Variants in TGFBR3 observed in about 807,000 individuals in gnomAD.
The protein encoded by TGFBR3 is transforming growth factor beta receptor 3, also known as transforming growth factor beta receptor type 3.
Under a neutral mutation model 87.9 loss-of-function variants are expected in TGFBR3, and 46 were observed. The observed-to-expected ratio is 0.52, with a 90% CI of 0.41 to 0.67. TGFBR3 has a LOEUF of 0.67. Ranked by LOEUF, TGFBR3 falls within the 30% of genes least tolerant of loss-of-function variation. The probability of loss-of-function intolerance (pLI) is 0.00; values close to 1 mark genes in which losing one functional copy is unlikely to be tolerated. For missense variants in TGFBR3, 866 were observed against 1,041.9 expected, an observed-to-expected ratio of 0.83 and a Z score of 2.32; for synonymous variants, 381 against 391.6, an observed-to-expected ratio of 0.97 and a Z score of 0.32.
chr1:91,724,199 C>A (rs1325511559), intron 7 of TGFBR3, among the ~76,000 whole-genome samples: 1 of 152,022 alleles, frequency 6.6e-6, no homozygotes, highest in Non-Finnish European at 1.5e-5. Context: ...CAGAAAAAAA[C>A]TCCTTAGGGT....
intron 2 of TGFBR3, among the ~76,000 whole-genome samples, chr1:91,849,644 C>G (rs375343973): frequency 9.2e-5 from 14 of 152,320 alleles, no homozygotes; most frequent in South Asian, 8.3e-4. Context: ...CCACTAGAGA[C>G]ATGCTTCATA....
intron 2 of TGFBR3, among the ~76,000 whole-genome samples, chr1:91,802,580 C>T (rs1215008748): frequency 6.6e-6 from 1 of 151,968 alleles, no homozygotes. Context: ...AGGCTGGTCT[C>T]GAACTCCTGG....
intron 3 of TGFBR3, among the ~76,000 whole-genome samples, chr1:91,779,451 T>A (rs1233990450): frequency 6.6e-6 from 1 of 152,218 alleles, no homozygotes; most frequent in African/African-American, 2.4e-5. Flanking sequence ...ACACTGGCGC[T>A]CTACCCCAGA....
chr1:91,855,789 C>T (rs545503211), intron 2 of TGFBR3, among the ~76,000 whole-genome samples: 1 of 152,174 alleles, frequency 6.6e-6, no homozygotes, highest in East Asian at 1.9e-4. Flanking sequence ...TTTAAACTTC[C>T]CACTTTTCTT....
chr1:91,876,177 A>T (rs902272144), intron 1 of TGFBR3, among the ~76,000 whole-genome samples: 2 of 152,142 alleles, frequency 1.3e-5, no homozygotes. Flanking sequence ...AAAAGCACCA[A>T]GAGCTAAAAC....
intron 3 of TGFBR3, among the ~76,000 whole-genome samples, chr1:91,791,434 G>A (rs1553167566): frequency 6.6e-6 from 1 of 152,046 alleles, no homozygotes; most frequent in Admixed American, 6.6e-5. Context: ...AACCATGAAA[G>A]GGAAAAAAAG....
chr1:91,842,429 C>T (rs1677320509), intron 2 of TGFBR3, among the ~76,000 whole-genome samples: 1 of 152,222 alleles, frequency 6.6e-6, no homozygotes, highest in Admixed American at 6.5e-5. Context: ...CTGTCCCCCA[C>T]TGGTCCTGAT....
chr1:91,812,315 A>T (rs1676060007), intron 2 of TGFBR3, among the ~76,000 whole-genome samples: 1 of 152,232 alleles, frequency 6.6e-6, no homozygotes, highest in African/African-American at 2.4e-5. Context: ...CACTTATTCA[A>T]CATTGACTGG....
Position 91,683,547 on chromosome 1 carries a change from T to G in TGFBR3, c.*192A>C, listed in dbSNP as rs1317240649. 1 of 700,048 alleles carries G rather than the reference T, an allele frequency of 1.4e-6. No homozygotes were observed. The highest frequency in any genetic ancestry group is 1.5e-5 in the South Asian group (1 of 66,680). The allele number at this position is 700,048 out of a possible 1,614,324, so 43.4% of individuals were successfully genotyped here. A position where few individuals can be genotyped will look rare whatever the true frequency, so the allele number is the denominator to read the frequency against. On this transcript the variant is annotated 3_prime_UTR_variant, in exon 17 of 17. Coordinates refer to ENST00000212355, the MANE Select transcript of TGFBR3 (RefSeq NM_003243.5). ...AGTGTGGTACAGAAGCCCAGGGTCA[T>G]GTTTATACTAGCCCTGGGTGTGGGG...
At chr1:91,782,638 T>A (rs979222525) in intron 3 of TGFBR3, among the ~76,000 whole-genome samples, 3 of 152,102 alleles carry the variant, frequency 2.0e-5, no homozygotes, top group Admixed American at 1.3e-4. Flanking sequence ...GGAACTATTC[T>A]GAGGCAGAAA....
Position 91,892,906 on chromosome 1 carries a change from T to C in TGFBR3, c.-114+6731A>G, listed in dbSNP as rs140131967. On this transcript the variant is annotated intron_variant, in intron 2 of 17. Transcript: ENST00000370399. ...CAATACTTGCAAATATTAACCAAGG[T>C]AGCTTCAGGGAAATGCTTTATTCCT... Among the ~76,000 whole-genome samples the C allele has an allele frequency of 1.6e-3, 239 of 152,328 alleles. 4 individuals are homozygous for C. The highest frequency in any genetic ancestry group is 5.4e-3 in the African/African-American group (223 of 41,570).
chr1:91,886,218 C>T, upstream of TGFBR3: 1 of 451,728 alleles, frequency 2.2e-6, no homozygotes, highest in Non-Finnish European at 4.4e-6. Context: ...ACGGGCAGGA[C>T]GCCACAGCAA....
chr1:91,773,567 G>T (rs1283552181), intron 3 of TGFBR3, among the ~76,000 whole-genome samples: 1 of 152,220 alleles, frequency 6.6e-6, no homozygotes, highest in Non-Finnish European at 1.5e-5. Context: ...TGTAATCTCA[G>T]CTAATCAGGA....
chr1:91,793,048 G>A (rs1675250204), intron 3 of TGFBR3, among the ~76,000 whole-genome samples: 1 of 152,188 alleles, frequency 6.6e-6, no homozygotes, highest in South Asian at 2.1e-4. Flanking sequence ...GGTACTGAGG[G>A]CTTTTTATGT....
At chr1:91,801,100 A>G in intron 2 of TGFBR3, 1 of 119,400 alleles carries the variant, frequency 8.4e-6, no homozygotes, top group Non-Finnish European at 1.5e-5. Flanking sequence ...AAAAAAAAAA[A>G]GAGAGAGAGA....
chr1:91,716,733 A>T, intron 10 of TGFBR3, 25 bp from the exon 11 acceptor site: 1 of 1,614,042 alleles, frequency 6.2e-7, no homozygotes, highest in Non-Finnish European at 8.5e-7. Flanking sequence ...AAGCACAGCC[A>T]ATGTTATAAA....
intron 2 of TGFBR3, among the ~76,000 whole-genome samples, chr1:91,850,681 T>C (rs1199336089): frequency 2.7e-5 from 4 of 149,434 alleles, no homozygotes; most frequent in Non-Finnish European, 4.4e-5. Flanking sequence ...CATAGGAGGC[T>C]GAGGCAGGAA....
At chr1:91,759,497 C>T (rs17882046) in intron 3 of TGFBR3, among the ~76,000 whole-genome samples, 7,183 of 150,940 alleles carry the variant, frequency 0.048, 233 homozygotes, top group Middle Eastern at 0.11. Context: ...TTGTCATTAA[C>T]ATCACCAAAA....
At chr1:91,803,358 AAGG>A (rs1457129442) in intron 2 of TGFBR3, among the ~76,000 whole-genome samples, 1 of 152,108 alleles carries the variant, frequency 6.6e-6, no homozygotes, top group Non-Finnish European at 1.5e-5. Flanking sequence ...GTATGAAGGG[AAGG>A]AGGTCAGTTC....
Sources: allele counts gnomAD v4.1 joint callset (sites outside exome capture counted in the v4.1 genomes callset), GRCh38; gene constraint gnomAD v4.1.1; transcripts MANE v1.5; gene names NCBI Gene and HGNC (gene_info 2026-07-23, HGNC 2026-07-21).